The following GAREM1 variants were observed in gnomAD, a reference collection of about 807,000 sequenced individuals.
The protein encoded by GAREM1 is GRB2-associated and regulator of MAPK protein 1.
Under a neutral mutation model 71.3 loss-of-function variants are expected in GAREM1, and 26 were observed. The ratio of observed to expected loss-of-function variants is 0.36; its 90% confidence interval spans 0.27 to 0.51. The LOEUF (loss-of-function observed/expected upper bound fraction) is 0.51. Ranked by LOEUF, GAREM1 falls within the 20% of genes least tolerant of loss-of-function variation. The pLI is 0.95. For missense variants in GAREM1, 1,026 were observed against 1,103.1 expected, an observed-to-expected ratio of 0.93 and a Z score of 0.99; for synonymous variants, 440 against 433.2, an observed-to-expected ratio of 1.02 and a Z score of -0.20.
At chr18:32,349,410 A>C (rs1329532122) in intron 2 of GAREM1, among the ~76,000 whole-genome samples, 8 of 152,196 alleles carry the variant, frequency 5.3e-5, no homozygotes, top group African/African-American at 1.9e-4. Flanking sequence ...CAAATCATTT[A>C]TTAAATAATT....
intron 2 of GAREM1, among the ~76,000 whole-genome samples, chr18:32,345,098 A>T (rs374362514): frequency 6.6e-6 from 1 of 152,132 alleles, no homozygotes; most frequent in East Asian, 1.9e-4. Context: ...ACCAAACAAC[A>T]ACAACAACAA....
At position 32,428,722 on chromosome 18, in the gene GAREM1, T is replaced by C. The variant is rs539432816; in HGVS notation, c.122-35687A>G. On this transcript the variant is annotated intron_variant, in intron 1 of 5. Coordinates refer to ENST00000269209, the MANE Select transcript of GAREM1 (RefSeq NM_001242409.2). ...ATGCAAGAACAGACTAATACAACCATTAAATGTCACTCTTACCCCCAGAGG... is the reference window on the plus strand; with the variant it reads ...ATGCAAGAACAGACTAATACAACCACTAAATGTCACTCTTACCCCCAGAGG... Among the ~76,000 whole-genome samples the C allele has an allele frequency of 2.0e-5, 3 of 152,274 alleles. No individual in the cohort carries two copies. In the South Asian group the frequency reaches 6.2e-4, roughly 32 times the overall value.
intron 1 of GAREM1, among the ~76,000 whole-genome samples, chr18:32,423,365 G>A (rs1295613525): frequency 6.6e-6 from 1 of 152,170 alleles, no homozygotes; most frequent in Non-Finnish European, 1.5e-5. Flanking sequence ...CTATGTTTTA[G>A]TTTACACTGA....
intron 1 of GAREM1, among the ~76,000 whole-genome samples, chr18:32,424,142 C>G (rs1033143422): frequency 2.0e-5 from 3 of 150,712 alleles, no homozygotes; most frequent in African/African-American, 7.3e-5. Context: ...ATCTCCCCAC[C>G]AGCCAGAAAA....
intron 4 of GAREM1, 82 bp downstream of exon 4, chr18:32,286,949 A>G: frequency 1.0e-6 from 1 of 993,606 alleles, no homozygotes; most frequent in Non-Finnish European, 1.5e-6. Flanking sequence ...TCAGTTGGGG[A>G]GTTTTAAGAA....
At chr18:32,449,575 A>G (rs2048814917) in intron 1 of GAREM1, among the ~76,000 whole-genome samples, 1 of 152,080 alleles carries the variant, frequency 6.6e-6, no homozygotes. Context: ...TCCCAGCTAC[A>G]TAAGAGGCTG....
At chr18:32,291,225 T>C (rs2047080794) in intron 3 of GAREM1, among the ~76,000 whole-genome samples, 1 of 138,064 alleles carries the variant, frequency 7.2e-6, no homozygotes, top group African/African-American at 2.7e-5. Context: ...TAAAAAAAAA[T>C]AAAGTGCAAA....
intron 1 of GAREM1, among the ~76,000 whole-genome samples, chr18:32,464,281 A>T (rs187491320): frequency 6.7e-6 from 1 of 149,556 alleles, no homozygotes; most frequent in Non-Finnish European, 1.5e-5. Flanking sequence ...ACACAAAAAG[A>T]AAAAAAAAAG....
At chr18:32,336,429 CAAAAA>C (rs35803922) in intron 2 of GAREM1, among the ~76,000 whole-genome samples, 38 of 72,864 alleles carry the variant, frequency 5.2e-4, no homozygotes, top group African/African-American at 1.6e-3. Context: ...GACTCCGTCT[CAAAAA>C]AAAAAAAAAA....
chr18:32,307,046 G>A (rs1354493002), intron 3 of GAREM1, among the ~76,000 whole-genome samples: 12 of 152,128 alleles, frequency 7.9e-5, no homozygotes, highest in Admixed American at 7.9e-4. Context: ...ACTAGTACTA[G>A]CCATTAAATT....
At chr18:32,394,673 C>G (rs1480786539) in intron 1 of GAREM1, among the ~76,000 whole-genome samples, 3 of 152,120 alleles carry the variant, frequency 2.0e-5, no homozygotes, top group Admixed American at 6.5e-5. Context: ...CTCATGAGCC[C>G]TTTGTATCCC....
At chr18:32,436,550 CTTT>C (rs540953909) in intron 1 of GAREM1, among the ~76,000 whole-genome samples, 94 of 152,310 alleles carry the variant, frequency 6.2e-4, no homozygotes, top group African/African-American at 2.2e-3. Context: ...TACCAATGTT[CTTT>C]CTTACATAGT....
intron 4 of GAREM1, among the ~76,000 whole-genome samples, chr18:32,286,224 C>T (rs1447806278): frequency 1.3e-5 from 2 of 152,004 alleles, no homozygotes; most frequent in Admixed American, 1.3e-4. Context: ...TTGTTCTAAA[C>T]AGAACTGTAC....
At chr18:32,359,918 CCTGT>C in intron 2 of GAREM1, among the ~76,000 whole-genome samples, 1 of 151,052 alleles carries the variant, frequency 6.6e-6, no homozygotes, top group Non-Finnish European at 1.5e-5. Context: ...CAAGTAAGAA[CCTGT>C]CTCTTAAATA....
At chr18:32,394,284 C>T (rs1443718028) in intron 1 of GAREM1, among the ~76,000 whole-genome samples, 1 of 152,060 alleles carries the variant, frequency 6.6e-6, no homozygotes, top group East Asian at 1.9e-4. Flanking sequence ...TATCTGTAGT[C>T]CCAGCTACTT....
intron 1 of GAREM1, among the ~76,000 whole-genome samples, chr18:32,416,842 C>T (rs551513742): frequency 2.0e-4 from 31 of 152,040 alleles, no homozygotes; most frequent in African/African-American, 6.5e-4. Flanking sequence ...CCACAAGCAC[C>T]GGCAACCAAA....
intron 2 of GAREM1, among the ~76,000 whole-genome samples, chr18:32,319,794 A>G (rs2047412607): frequency 6.6e-6 from 1 of 152,202 alleles, no homozygotes; most frequent in African/African-American, 2.4e-5. Context: ...TTCAAAACAA[A>G]TGGTTGCATT....
At chr18:32,293,828 G>A (rs2047112282) in intron 3 of GAREM1, among the ~76,000 whole-genome samples, 1 of 152,162 alleles carries the variant, frequency 6.6e-6, no homozygotes, top group African/African-American at 2.4e-5. Flanking sequence ...ACCTCTGAAT[G>A]TGACTTCCTG....
intron 1 of GAREM1, among the ~76,000 whole-genome samples, chr18:32,419,917 C>A (rs973655375): frequency 1.3e-5 from 2 of 152,142 alleles, no homozygotes; most frequent in African/African-American, 4.8e-5. Context: ...CCCATTTATA[C>A]TTTGAGATAT....
Sources: gnomAD v4.1 joint callset for allele counts (sites outside exome capture counted in the v4.1 genomes callset) on GRCh38, gnomAD v4.1.1 for gene constraint, MANE v1.5 for transcripts, NCBI Gene and HGNC (gene_info 2026-07-23, HGNC 2026-07-21) for gene names.